Variants in CAB39L observed in about 807,000 individuals in gnomAD.
The protein encoded by CAB39L is calcium binding protein 39 like.
A neutral mutation model predicts 39.1 loss-of-function variants in CAB39L; 23 were observed. The ratio of observed to expected loss-of-function variants is 0.59; its 90% CI spans 0.42 to 0.83. The LOEUF is 0.83. CAB39L is among the 40% of genes least tolerant of loss of function. CAB39L has a pLI of 0.00. For missense variants in CAB39L, 366 were observed against 391.9 expected, an observed-to-expected ratio of 0.93 and a Z score of 0.56; for synonymous variants, 126 against 137.2, an observed-to-expected ratio of 0.92 and a Z score of 0.57.
intron 3 of CAB39L, among the ~76,000 whole-genome samples, chr13:49,409,631 T>C (rs1247415384): frequency 2.6e-5 from 4 of 151,990 alleles, no homozygotes; most frequent in Non-Finnish European, 4.4e-5. Context: ...AAAGCATTAG[T>C]AGAGACTGCC....
intron 10 of CAB39L, among the ~76,000 whole-genome samples, chr13:49,323,299 C>T (rs1954405794): frequency 6.6e-6 from 1 of 152,210 alleles, no homozygotes; most frequent in Non-Finnish European, 1.5e-5. Context: ...TCTGCTATCA[C>T]TTGCTCACCC....
At chr13:49,374,362 G>A (rs987528568) in intron 5 of CAB39L, among the ~76,000 whole-genome samples, 4 of 152,036 alleles carry the variant, frequency 2.6e-5, no homozygotes, top group Non-Finnish European at 5.9e-5. Context: ...ATCCACAAGA[G>A]TAATCAATTT....
intron 6 of CAB39L, among the ~76,000 whole-genome samples, chr13:49,355,373 C>A (rs1327545968): frequency 6.6e-6 from 1 of 152,038 alleles, no homozygotes; most frequent in Non-Finnish European, 1.5e-5. Context: ...CAAAGCAAGA[C>A]CCTGTCTCGA....
chr13:49,341,275 A>AC (rs1210382337), intron 8 of CAB39L, among the ~76,000 whole-genome samples: 1 of 150,786 alleles, frequency 6.6e-6, no homozygotes, highest in Non-Finnish European at 1.5e-5. Context: ...TTTTTTTGAG[A>AC]CCAAGTCTCG....
intron 10 of CAB39L, among the ~76,000 whole-genome samples, chr13:49,319,963 A>G (rs1448110487): frequency 5.9e-5 from 9 of 152,244 alleles, no homozygotes; most frequent in Admixed American, 5.9e-4. Flanking sequence ...CACTGGTTCA[A>G]TTCCACTGAA....
rs143140826 is a variant in CAB39L, at chr13:49,384,867, G to A, written c.-31-1926C>T. 3.3e-5 allele frequency among the ~76,000 whole-genome samples: 5 copies of A among 152,322 alleles called. No homozygotes were observed. The East Asian group carries it at 5.8e-4, about 18-fold the overall frequency. ...CTTAAAATATTCAGTAAACCATGCT[G>A]TCATCAGGCTTTGTTGTTCCATTTA... is the stretch of plus-strand genomic sequence containing the variant. On this transcript the variant is annotated intron_variant, in intron 3 of 10. Transcript: ENST00000409308.
intron 5 of CAB39L, among the ~76,000 whole-genome samples, chr13:49,361,193 A>AC (rs775163777): frequency 1.9e-4 from 29 of 152,264 alleles, no homozygotes; most frequent in Admixed American, 3.9e-4. Flanking sequence ...AGTCCAATAC[A>AC]AAAAGGCCAG....
intron 9 of CAB39L, among the ~76,000 whole-genome samples, chr13:49,334,892 CA>C (rs1053559130): frequency 6.6e-6 from 1 of 152,194 alleles, no homozygotes; most frequent in Admixed American, 6.5e-5. Flanking sequence ...TGCACTCTTT[CA>C]TGGTTCCCCC....
At chr13:49,406,087 T>C (rs1330701577) in intron 3 of CAB39L, among the ~76,000 whole-genome samples, 3 of 151,982 alleles carry the variant, frequency 2.0e-5, no homozygotes, top group Non-Finnish European at 4.4e-5. Context: ...GATCTAGTAT[T>C]TGATAGCACA....
chr13:49,432,454 T>C (rs1325660), intron 3 of CAB39L, among the ~76,000 whole-genome samples: 50,319 of 152,142 alleles, frequency 0.33, 9,776 homozygotes, highest in Middle Eastern at 0.43. Context: ...ATTTATTTCA[T>C]GTAATGTATA....
intron 1 of CAB39L, among the ~76,000 whole-genome samples, chr13:49,440,763 G>C (rs1269354043): frequency 7.4e-6 from 1 of 134,374 alleles, no homozygotes; most frequent in Non-Finnish European, 1.6e-5. Context: ...TGTGTGTATG[G>C]CTATCGTAAA....
At chr13:49,410,178 C>T (rs1392296811) in intron 3 of CAB39L, among the ~76,000 whole-genome samples, 3 of 152,162 alleles carry the variant, frequency 2.0e-5, no homozygotes, top group Non-Finnish European at 4.4e-5. Flanking sequence ...ACAAAATGGG[C>T]TTAGTGCCAT....
At chr13:49,428,174 AG>A (rs1173490946) in intron 3 of CAB39L, among the ~76,000 whole-genome samples, 2 of 152,236 alleles carry the variant, frequency 1.3e-5, no homozygotes, top group African/African-American at 2.4e-5. Flanking sequence ...TATTTCACAT[AG>A]TTTCTGAGAG....
intron 10 of CAB39L, among the ~76,000 whole-genome samples, chr13:49,314,507 C>G (rs1954098433): frequency 6.6e-6 from 1 of 152,192 alleles, no homozygotes; most frequent in Non-Finnish European, 1.5e-5. Context: ...GCAGCCAGTT[C>G]ATAGCCCTCC....
chr13:49,354,533 C>A (rs1342030840), intron 6 of CAB39L, among the ~76,000 whole-genome samples: 1 of 152,228 alleles, frequency 6.6e-6, no homozygotes, highest in East Asian at 1.9e-4. Context: ...CTAATCTATT[C>A]TACTCATAGA....
At chr13:49,387,049 C>T (rs1353350018) in intron 3 of CAB39L, among the ~76,000 whole-genome samples, 1 of 152,176 alleles carries the variant, frequency 6.6e-6, no homozygotes, top group Non-Finnish European at 1.5e-5. Context: ...CGTAAACTCC[C>T]TCTAGTTGAT....
intron 7 of CAB39L, among the ~76,000 whole-genome samples, chr13:49,350,425 T>A (rs1279789374): frequency 6.6e-6 from 1 of 152,252 alleles, no homozygotes; most frequent in Admixed American, 6.5e-5. Flanking sequence ...TGGAAGCTTA[T>A]GCCCTTTAAT....
At chr13:49,376,130 C>A (rs1956053702) in intron 5 of CAB39L, among the ~76,000 whole-genome samples, 1 of 152,204 alleles carries the variant, frequency 6.6e-6, no homozygotes, top group South Asian at 2.1e-4. Flanking sequence ...ATTAGTTTTC[C>A]TTCCACTTAT....
In CAB39L at chr13:49,382,917, A is replaced by C. The variant is rs1183403703; in HGVS notation, c.-7T>G. The stretch of plus-strand genomic sequence containing the variant: ...ACAAAGGCATTTTTTTCATGTGTAG[A>C]AATCTCTTCTTCCAATATGGAATGC... On this transcript the variant is annotated 5_prime_UTR_variant, in exon 4 of 11. Coordinates refer to ENST00000409308, the MANE Select transcript of CAB39L (RefSeq NM_001079670.3). The C allele has an allele frequency of 6.6e-7, 1 of 1,523,546 alleles. No individual in the cohort carries two copies. Among genetic ancestry groups the C allele is most frequent in the Middle Eastern group, 1.7e-4 (1 of 5,870 alleles). 94.4% of individuals were successfully genotyped at this position (1,523,546 alleles called of 1,614,324 possible). A position where few individuals can be genotyped will look rare whatever the true frequency, so the allele number is the denominator to read the frequency against.
Sources: allele counts gnomAD v4.1 joint callset (sites outside exome capture counted in the v4.1 genomes callset), GRCh38; gene constraint gnomAD v4.1.1; transcripts MANE v1.5; gene names NCBI Gene and HGNC (gene_info 2026-07-23, HGNC 2026-07-21).